The following GRIK4 variants were observed in gnomAD, a reference collection of about 807,000 sequenced individuals.
GRIK4 encodes glutamate ionotropic receptor kainate type subunit 4, also known as glutamate receptor ionotropic, kainate 4.
GRIK4 carries 40 observed loss-of-function variants against 104.9 expected under a neutral mutation model. That is an observed-to-expected ratio of 0.38 (90% CI 0.30 to 0.50). GRIK4 has a LOEUF of 0.50. Among genes scored for constraint, GRIK4 ranks in the 20% least tolerant of loss-of-function variants. The pLI, the probability that GRIK4 is intolerant of heterozygous loss-of-function variation, is 0.93. For synonymous variants in GRIK4, 485 were observed against 524.9 expected (o/e 0.92, Z 1.04); for missense variants, 1,047 against 1,308.1 (o/e 0.80, Z 3.08).
intron 3 of GRIK4, among the ~76,000 whole-genome samples, chr11:120,755,032 C>T (rs919032946): frequency 1.1e-4 from 16 of 152,166 alleles, no homozygotes; most frequent in African/African-American, 1.7e-4. Context: ...GAACTGCAAA[C>T]GATGTCAGTG....
At chr11:120,890,330 T>A (rs905637431) in intron 11 of GRIK4, among the ~76,000 whole-genome samples, 1 of 152,110 alleles carries the variant, frequency 6.6e-6, no homozygotes, top group Admixed American at 6.6e-5. Flanking sequence ...AAAATGTGGG[T>A]CCTCTTGTAC....
chr11:120,927,586 A>AAAAAAAG (rs1565444062), intron 13 of GRIK4, among the ~76,000 whole-genome samples: 1 of 95,594 alleles, frequency 1.0e-5, no homozygotes, highest in Non-Finnish European at 2.1e-5. Context: ...AAAAAAAAAA[A>AAAAAAAG]AAAGAAAGAA....
At chr11:120,843,641 T>G (rs1021518091) in intron 8 of GRIK4, among the ~76,000 whole-genome samples, 1 of 152,206 alleles carries the variant, frequency 6.6e-6, no homozygotes, top group African/African-American at 2.4e-5. Context: ...ATGAGCAAGT[T>G]GAGACCCTCT....
intron 1 of GRIK4, among the ~76,000 whole-genome samples, chr11:120,522,425 G>A (rs1366933640): frequency 6.6e-6 from 1 of 152,148 alleles, no homozygotes; most frequent in Non-Finnish European, 1.5e-5. Context: ...GGGTTCGAGC[G>A]ATTCTCCTGC....
chr11:120,517,765 A>G (rs1947748729), intron 1 of GRIK4, among the ~76,000 whole-genome samples: 1 of 152,014 alleles, frequency 6.6e-6, no homozygotes. Flanking sequence ...GGCCCCCAGG[A>G]GGGAGTGGGA....
chr11:120,961,535 G>A (rs978108752), intron 17 of GRIK4, among the ~76,000 whole-genome samples: 1 of 152,202 alleles, frequency 6.6e-6, no homozygotes, highest in African/African-American at 2.4e-5. Context: ...ACTGAAGTTT[G>A]AGGAACACCA....
chr11:120,768,978 TA>T (rs560144611), intron 3 of GRIK4, among the ~76,000 whole-genome samples: 28 of 152,190 alleles, frequency 1.8e-4, no homozygotes, highest in Non-Finnish European at 3.7e-4. Context: ...TAATGTTAAT[TA>T]GAGATATTGG....
At chr11:120,654,715 T>C (rs1949675328) in intron 2 of GRIK4, among the ~76,000 whole-genome samples, 1 of 152,190 alleles carries the variant, frequency 6.6e-6, no homozygotes, top group Non-Finnish European at 1.5e-5. Context: ...CATCTTATCA[T>C]GCAATCCTTA....
At chr11:120,879,217 T>C (rs1263289347) in intron 11 of GRIK4, among the ~76,000 whole-genome samples, 1 of 152,230 alleles carries the variant, frequency 6.6e-6, no homozygotes, top group Admixed American at 6.5e-5. Flanking sequence ...CTCACTTTCC[T>C]GGAATCCCTA....
chr11:120,532,029 T>C (rs546337793), intron 1 of GRIK4, among the ~76,000 whole-genome samples: 1 of 152,230 alleles, frequency 6.6e-6, no homozygotes, highest in East Asian at 1.9e-4. Context: ...CACCTCTGGA[T>C]GTGGGGCAGG....
At chr11:120,562,428 T>C (rs575844383) in intron 1 of GRIK4, among the ~76,000 whole-genome samples, 4 of 152,250 alleles carry the variant, frequency 2.6e-5, no homozygotes, top group African/African-American at 9.6e-5. Flanking sequence ...CTCAGATGGA[T>C]GGCAGGGAGC....
chr11:120,604,809 G>T (rs920243611), intron 1 of GRIK4, among the ~76,000 whole-genome samples: 1 of 152,154 alleles, frequency 6.6e-6, no homozygotes, highest in Non-Finnish European at 1.5e-5. Context: ...AATGTGTATG[G>T]CCAGACCTTG....
intron 1 of GRIK4, among the ~76,000 whole-genome samples, chr11:120,537,817 G>C (rs996736113): frequency 4.0e-5 from 6 of 151,776 alleles, no homozygotes; most frequent in Non-Finnish European, 7.4e-5. Flanking sequence ...ATGTTCTTCT[G>C]TGAACAGGTT....
At chr11:120,659,424 T>G (rs1949775072) in intron 2 of GRIK4, among the ~76,000 whole-genome samples, 1 of 152,226 alleles carries the variant, frequency 6.6e-6, no homozygotes, top group Non-Finnish European at 1.5e-5. Flanking sequence ...ATGTAGCACC[T>G]CATTTAGGCC....
chr11:120,730,279 G>A (rs1409781473), intron 3 of GRIK4, among the ~76,000 whole-genome samples: 3 of 152,116 alleles, frequency 2.0e-5, no homozygotes, highest in African/African-American at 7.2e-5. Context: ...GATCACTTTA[G>A]CCCAGGAGGC....
chr11:120,520,253 A>G (rs1255414975), intron 1 of GRIK4, among the ~76,000 whole-genome samples: 1 of 152,112 alleles, frequency 6.6e-6, no homozygotes, highest in African/African-American at 2.4e-5. Context: ...GCCAATGCTC[A>G]TTTCCAGAAC....
chr11:120,754,418 C>A (rs1367465340), intron 3 of GRIK4, among the ~76,000 whole-genome samples: 1 of 152,194 alleles, frequency 6.6e-6, no homozygotes, highest in Non-Finnish European at 1.5e-5. Flanking sequence ...TAGCGTGTGT[C>A]AATAATTCAT....
chr11:120,709,387 G>T (rs973960109), intron 3 of GRIK4, among the ~76,000 whole-genome samples: 10 of 152,098 alleles, frequency 6.6e-5, no homozygotes, highest in African/African-American at 2.4e-4. Flanking sequence ...CATGGTACCT[G>T]ACAGGGAGGG....
At chr11:120,920,153 T>G (rs12421080) in intron 13 of GRIK4, among the ~76,000 whole-genome samples, 1 of 152,048 alleles carries the variant, frequency 6.6e-6, no homozygotes, top group Admixed American at 6.5e-5. Context: ...TGGACAAGTC[T>G]CCCAACGTTT....
Sources: gnomAD v4.1 joint callset for allele counts (sites outside exome capture counted in the v4.1 genomes callset) on GRCh38, gnomAD v4.1.1 for gene constraint, MANE v1.5 for transcripts, NCBI Gene and HGNC (gene_info 2026-07-23, HGNC 2026-07-21) for gene names.